IL1RL1: variants seen among roughly 807,000 people sequenced by gnomAD.
IL1RL1 encodes the protein interleukin-1 receptor-like 1.
IL1RL1 carries 32 observed loss-of-function variants against 50.9 expected under a neutral mutation model. The ratio of observed to expected loss-of-function variants is 0.63; its 90% CI spans 0.47 to 0.84. IL1RL1 has a LOEUF of 0.84. IL1RL1 is among the 40% of genes least tolerant of loss of function. The pLI is 0.00. For missense variants in IL1RL1, 773 were observed against 662.9 expected (o/e 1.17, Z -1.82); for synonymous variants, 275 against 236.0 (o/e 1.17, Z -1.51).
intron 1 of IL1RL1, among the ~76,000 whole-genome samples, chr2:102,312,474 A>G (rs561604044): frequency 3.3e-5 from 5 of 152,164 alleles, no homozygotes; most frequent in African/African-American, 1.2e-4. Flanking sequence ...GGAGCTTTAT[A>G]GTATACACAC....
At chr2:102,327,640 C>A (rs1677049342) in intron 1 of IL1RL1, among the ~76,000 whole-genome samples, 1 of 152,082 alleles carries the variant, frequency 6.6e-6, no homozygotes. Context: ...GGAGAAGAAT[C>A]AAATAGACGC....
At chr2:102,314,571 G>GTGACAACTTAGTTAAACA (rs1676618593) in intron 1 of IL1RL1, among the ~76,000 whole-genome samples, 1 of 152,194 alleles carries the variant, frequency 6.6e-6, no homozygotes, top group African/African-American at 2.4e-5. Flanking sequence ...CTTTTGTCTT[G>GTGACAACTTAGTTAAACA]TGACAACTTA....
intron 9 of IL1RL1, 73 bp from the exon 10 acceptor site, chr2:102,349,006 G>A (rs993815510): frequency 2.6e-6 from 3 of 1,136,886 alleles, no homozygotes; most frequent in Non-Finnish European, 4.0e-6. Flanking sequence ...ACTTGGAGAG[G>A]AATGTCTTCA....
intron 1 of IL1RL1, among the ~76,000 whole-genome samples, chr2:102,321,980 C>G (rs1676850186): frequency 6.6e-6 from 1 of 152,174 alleles, no homozygotes. Flanking sequence ...AGAGACAGAG[C>G]TAATAGGAGA....
intron 8 of IL1RL1, chr2:102,343,645 T>C: frequency 7.0e-7 from 1 of 1,423,600 alleles, no homozygotes; most frequent in Non-Finnish European, 9.2e-7. Flanking sequence ...CCTCCTATCG[T>C]TGGTTTGTCT....
chr2:102,312,419 G>T (rs1157456126), intron 1 of IL1RL1, among the ~76,000 whole-genome samples: 1 of 151,770 alleles, frequency 6.6e-6, no homozygotes, highest in Non-Finnish European at 1.5e-5. Context: ...ATGGGACTTT[G>T]GTCCAACGTG....
intron 1 of IL1RL1, chr2:102,337,457 G>A (rs1293003615): frequency 6.6e-6 from 1 of 152,080 alleles, no homozygotes; most frequent in Admixed American, 6.6e-5. Context: ...TATATTTTAA[G>A]AAAAGAAGTA....
At chr2:102,322,930 A>G (rs147087303) in intron 1 of IL1RL1, among the ~76,000 whole-genome samples, 3 of 152,172 alleles carry the variant, frequency 2.0e-5, no homozygotes, top group Non-Finnish European at 4.4e-5. Flanking sequence ...TTTGCTTAGC[A>G]TAATTTTTCA....
At position 102,312,042 on chromosome 2, in the gene IL1RL1, TTA is replaced by T. The variant is rs1318034797; in HGVS notation, c.-150+428_-150+429del. Among the ~76,000 whole-genome samples, 21 of 76,152 alleles carry T rather than the reference TTA, an allele frequency of 2.8e-4. No homozygotes were observed. In the South Asian group the frequency reaches 5.5e-3, roughly 20 times the overall value. The allele number at this position is 76,152 out of a possible 152,430, so 50.0% of individuals were successfully genotyped here. On this transcript the variant is annotated intron_variant, in intron 1 of 10. Coordinates refer to ENST00000233954, the MANE Select transcript of IL1RL1 (RefSeq NM_016232.5). ...TATAATATATATTATATATTAAATA[TTA>T]TATATATAATATATATAACATTATT... is the stretch of plus-strand genomic sequence containing the variant.
At chr2:102,330,816 T>C (rs969756260) in intron 1 of IL1RL1, among the ~76,000 whole-genome samples, 2 of 152,216 alleles carry the variant, frequency 1.3e-5, no homozygotes, top group Non-Finnish European at 2.9e-5. Flanking sequence ...AAGTCCCAGC[T>C]ATGATTTATT....
intron 8 of IL1RL1, chr2:102,345,709 G>A (rs2104996828): frequency 1.0e-6 from 1 of 985,398 alleles, no homozygotes; most frequent in Admixed American, 6.1e-5. Context: ...AAAATAAACA[G>A]AATCATAACT....
At chr2:102,317,820 G>C (rs749386114) in intron 1 of IL1RL1, among the ~76,000 whole-genome samples, 68 of 152,228 alleles carry the variant, frequency 4.5e-4, no homozygotes, top group Admixed American at 1.2e-3. Flanking sequence ...GTTGGTCAAA[G>C]GGTGGGAGAG....
chr2:102,348,104 T>C lies in IL1RL1; in HGVS notation c.1117+13T>C, dbSNP rs762067438. On this transcript the variant is annotated intron_variant, in intron 9 of 10. Coordinates refer to ENST00000233954, the MANE Select transcript of IL1RL1 (RefSeq NM_016232.5). ...AAGACTAGGAATGGTAAGTGGCAAA[T>C]ACCAAGTTTTTCTCCCAAAGAAAAA... 5 of 1,600,282 alleles carry C rather than the reference T, an allele frequency of 3.1e-6. No homozygotes were observed. In the Admixed American group the frequency reaches 5.2e-5, roughly 17 times the overall value.
chr2:102,313,680 G>A (rs1179706023), intron 1 of IL1RL1, among the ~76,000 whole-genome samples: 1 of 152,194 alleles, frequency 6.6e-6, no homozygotes, highest in Non-Finnish European at 1.5e-5. Flanking sequence ...CTGCAAGGGA[G>A]AGCCCCGCAA....
At chr2:102,325,289 G>C (rs1295058385) in intron 1 of IL1RL1, among the ~76,000 whole-genome samples, 1 of 152,200 alleles carries the variant, frequency 6.6e-6, no homozygotes, top group Non-Finnish European at 1.5e-5. Context: ...GCAGCTGAGG[G>C]TCCTGACAGT....
chr2:102,350,672 T>C (rs2105001964), intron 10 of IL1RL1, among the ~76,000 whole-genome samples: 1 of 152,370 alleles, frequency 6.6e-6, no homozygotes, highest in Middle Eastern at 3.4e-3. Flanking sequence ...CCTTGTCCTC[T>C]GCTCCAGGCT....
At chr2:102,319,934 C>A (rs1676789653) in intron 1 of IL1RL1, among the ~76,000 whole-genome samples, 1 of 152,148 alleles carries the variant, frequency 6.6e-6, no homozygotes, top group South Asian at 2.1e-4. Flanking sequence ...AGCAGTCCTC[C>A]CACCTCAGCC....
intron 8 of IL1RL1, chr2:102,343,863 G>T: frequency 3.0e-6 from 3 of 1,001,850 alleles, no homozygotes; most frequent in South Asian, 4.4e-5. Context: ...TAGCGAGGGT[G>T]GTAAAGTGAA....
intron 8 of IL1RL1, chr2:102,344,658 A>G (rs1677713885): frequency 1.7e-6 from 1 of 596,132 alleles, no homozygotes; most frequent in South Asian, 7.5e-5. Context: ...CCTTAGTGCA[A>G]TACCTGGCAG....
Sources: gnomAD v4.1 joint callset for allele counts (sites outside exome capture counted in the v4.1 genomes callset) on GRCh38, gnomAD v4.1.1 for gene constraint, MANE v1.5 for transcripts, NCBI Gene and HGNC (gene_info 2026-07-23, HGNC 2026-07-21) for gene names.